MTMR3: variants seen among roughly 807,000 people sequenced by gnomAD.
The protein encoded by MTMR3 is myotubularin related protein 3, also known as phosphatidylinositol-3,5-bisphosphate 3-phosphatase MTMR3.
A neutral mutation model predicts 132.4 loss-of-function variants in MTMR3; 32 were observed. The observed-to-expected ratio is 0.24, with a 90% CI of 0.18 to 0.32. The LOEUF (loss-of-function observed/expected upper bound fraction) is 0.32, where lower values mean the gene tolerates loss of function less well. Ranked by LOEUF, MTMR3 falls within the 10% of genes least tolerant of loss-of-function variation. The probability of loss-of-function intolerance (pLI) is 1.00; values close to 1 mark genes in which losing one functional copy is unlikely to be tolerated. For missense variants in MTMR3, 1,216 were observed against 1,489.6 expected (o/e 0.82, Z 3.02); for synonymous variants, 556 against 550.3 (o/e 1.01, Z -0.14).
intron 3 of MTMR3, among the ~76,000 whole-genome samples, chr22:29,976,077 A>C (rs2066623581): frequency 1.3e-5 from 2 of 150,772 alleles, no homozygotes; most frequent in Non-Finnish European, 1.5e-5. Context: ...GGGTTCGTTG[A>C]TTGAGGCAGA....
intron 1 of MTMR3, among the ~76,000 whole-genome samples, chr22:29,893,800 C>T (rs1164274140): frequency 6.6e-6 from 1 of 152,028 alleles, no homozygotes; most frequent in Non-Finnish European, 1.5e-5. Flanking sequence ...CATTTTTCTA[C>T]AACGAGCATG....
At chr22:29,956,665 G>A (rs2066198111) in intron 1 of MTMR3, among the ~76,000 whole-genome samples, 1 of 152,186 alleles carries the variant, frequency 6.6e-6, no homozygotes, top group African/African-American at 2.4e-5. Context: ...AGCCTGGAGT[G>A]TCTGTGATCT....
rs184685677 is a variant in MTMR3, at chr22:29,922,271, G to C, written c.-137-34765G>C. ...TGACCTCAGGTGATTCTCCTGCCTT[G>C]ACCTCCCAAAGTGCTGGGATTACAA... On this transcript the variant is annotated intron_variant, in intron 1 of 19. Coordinates refer to ENST00000401950, the MANE Select transcript of MTMR3 (RefSeq NM_021090.4). Among the ~76,000 whole-genome samples the C allele has an allele frequency of 4.6e-5, 7 of 152,164 alleles. No individual in the cohort carries two copies. In the East Asian group the frequency reaches 1.4e-3, roughly 29 times the overall value.
intron 1 of MTMR3, among the ~76,000 whole-genome samples, chr22:29,937,755 G>A (rs940541981): frequency 6.6e-6 from 1 of 152,036 alleles, no homozygotes; most frequent in African/African-American, 2.4e-5. Flanking sequence ...TTAGAAAACC[G>A]ACAAAAACCC....
chr22:30,022,141 T>C lies in MTMR3; in HGVS notation c.3336+2T>C. 6.2e-7 allele frequency: 1 copy of C among 1,608,220 alleles called. No homozygotes were observed. Among genetic ancestry groups the C allele is most frequent in the South Asian group, 1.1e-5 (1 of 90,926 alleles). ...CAGGTGGATAAACAGGACACAGAGG[T>C]ACAGGCTCAGCCCCTGCTCTGAGTG... On this transcript the variant is annotated splice_donor_variant, in intron 18 of 19. Transcript: ENST00000401950. LOFTEE classifies it high-confidence loss of function.
intron 1 of MTMR3, among the ~76,000 whole-genome samples, chr22:29,900,010 C>G (rs2064974414): frequency 6.6e-6 from 1 of 152,220 alleles, no homozygotes; most frequent in Non-Finnish European, 1.5e-5. Flanking sequence ...TACTTCTCTT[C>G]ATATGTGAAT....
At position 29,906,412 on chromosome 22, in the gene MTMR3, A is replaced by G. The variant is rs1031078967; in HGVS notation, c.-138+23053A>G. 5.9e-5 allele frequency among the ~76,000 whole-genome samples: 9 copies of G among 151,756 alleles called. No individual in the cohort carries two copies. The South Asian group carries it at 6.2e-4, about 11-fold the overall frequency. The stretch of plus-strand genomic sequence containing the variant: ...AGTGGTGCGATCTTGGCTCACTGCA[A>G]TCTCCTCCCGGGTTCAAGCAATTCT... On this transcript the variant is annotated intron_variant, in intron 1 of 19. Coordinates refer to ENST00000401950, the MANE Select transcript of MTMR3 (RefSeq NM_021090.4).
chr22:29,915,339 G>A (rs2145756464), intron 1 of MTMR3, among the ~76,000 whole-genome samples: 1 of 152,242 alleles, frequency 6.6e-6, no homozygotes, highest in Non-Finnish European at 1.5e-5. Context: ...TTTAGTCTGT[G>A]TATATATTTG....
intron 2 of MTMR3, among the ~76,000 whole-genome samples, chr22:29,962,219 AT>A (rs1326285043): frequency 2.6e-5 from 4 of 152,214 alleles, no homozygotes; most frequent in South Asian, 2.1e-4. Context: ...CTGCTTACCA[AT>A]TTTTTTTAAA....
chr22:29,946,051 G>A (rs1224834445), intron 1 of MTMR3, among the ~76,000 whole-genome samples: 1 of 147,338 alleles, frequency 6.8e-6, no homozygotes, highest in Non-Finnish European at 1.5e-5. Flanking sequence ...GGTAATCAAG[G>A]TATAATTAAA....
intron 7 of MTMR3, chr22:29,994,043 T>C: frequency 2.3e-6 from 2 of 885,768 alleles, no homozygotes; most frequent in Non-Finnish European, 2.7e-6. Flanking sequence ...ATGCTCTTCC[T>C]GCCCAGGCTG....
At chr22:29,927,237 C>T (rs1420935376) in intron 1 of MTMR3, among the ~76,000 whole-genome samples, 2 of 152,164 alleles carry the variant, frequency 1.3e-5, no homozygotes, top group African/African-American at 4.8e-5. Flanking sequence ...GCTAGTACCA[C>T]ATTTTCTTGA....
intron 19 of MTMR3, chr22:30,023,728 C>G: frequency 1.9e-6 from 1 of 525,888 alleles, no homozygotes; most frequent in Non-Finnish European, 3.4e-6. Flanking sequence ...TTGCTTGTGA[C>G]GAGAAGTAGT....
chr22:29,920,815 T>C (rs1375381784), intron 1 of MTMR3, among the ~76,000 whole-genome samples: 1 of 152,230 alleles, frequency 6.6e-6, no homozygotes, highest in Non-Finnish European at 1.5e-5. Context: ...ATTTTGCTGC[T>C]TCTCCTAATT....
At chr22:30,000,353 G>T (rs5763691) in intron 8 of MTMR3, 112,105 of 151,864 alleles carry the variant, frequency 0.74, 41,511 homozygotes, top group East Asian at 0.91. Context: ...CCCAGCTACT[G>T]GGGAGGCTGA....
intron 16 of MTMR3, chr22:30,018,338 T>C (rs1409248746): frequency 7.8e-6 from 3 of 382,522 alleles, no homozygotes; most frequent in Non-Finnish European, 9.2e-6. Context: ...AATCCTCCAG[T>C]TTTTCTGTGA....
chr22:29,907,788 C>G (rs538066553), intron 1 of MTMR3, among the ~76,000 whole-genome samples: 1 of 151,538 alleles, frequency 6.6e-6, no homozygotes. Flanking sequence ...GTATCTGTAT[C>G]TTTTTTTTTG....
chr22:29,944,673 C>G (rs1489012004), intron 1 of MTMR3, among the ~76,000 whole-genome samples: 3 of 152,254 alleles, frequency 2.0e-5, no homozygotes, highest in Non-Finnish European at 4.4e-5. Context: ...TTGCAAGCTA[C>G]TTTGCTCGGT....
At chr22:29,932,240 C>G (rs1394642037) in intron 1 of MTMR3, among the ~76,000 whole-genome samples, 1 of 152,012 alleles carries the variant, frequency 6.6e-6, no homozygotes, top group Non-Finnish European at 1.5e-5. Context: ...ATGTATAGAC[C>G]CATGTAACTA....
Sources: allele counts gnomAD v4.1 joint callset (sites outside exome capture counted in the v4.1 genomes callset), GRCh38; gene constraint gnomAD v4.1.1; transcripts MANE v1.5; gene names NCBI Gene and HGNC (gene_info 2026-07-23, HGNC 2026-07-21).